Variants in SSR3 observed in about 807,000 individuals in gnomAD.
SSR3 encodes the protein translocon-associated protein subunit gamma.
SSR3 carries 10 observed loss-of-function variants against 22.1 expected under a neutral mutation model. The ratio of observed to expected loss-of-function variants is 0.45; its 90% CI spans 0.28 to 0.77. SSR3 has a LOEUF of 0.77. SSR3 is among the 30% of genes least tolerant of loss of function. SSR3 has a pLI of 0.13. For missense variants in SSR3, 181 were observed against 220.5 expected, an observed-to-expected ratio of 0.82 and a Z score of 1.13; for synonymous variants, 104 against 82.5, an observed-to-expected ratio of 1.26 and a Z score of -1.42.
Position 156,548,983 on chromosome 3 carries a change from T to A in SSR3, c.281A>T (p.Asp94Val). The change falls in exon 3 of 5, where the codon GAT becomes GTT. Residue 94 changes from aspartate (D) to valine (V), a missense_variant. Coordinates refer to ENST00000265044, the MANE Select transcript of SSR3 (RefSeq NM_007107.5). ...LKHKVAQKRE[D>V]AVSKEVTRKL... ...TCGAGTCACTTCTTTGGAAACAGCA[T>A]CCTCCCTCTTCTGTGCTACTCTGGA... is the stretch of plus-strand genomic sequence containing the variant. The A allele has an allele frequency of 6.2e-7, 1 of 1,612,722 alleles. No homozygotes were observed. The highest frequency in any genetic ancestry group is 8.5e-7 in the Non-Finnish European group (1 of 1,179,714).
Position 156,555,060 on chromosome 3 carries a change from C to T in SSR3, c.30G>A (p.Gln10=). The change falls in exon 1 of 5, where the codon CAG becomes CAA. Residue 10 remains glutamine, a synonymous_variant. Transcript: ENST00000265044. MAPKGSSKQ[Q]SEEDLLLQDF... is the part of the protein sequence containing the mutation. ...CCTGCAGGAGCAGGTCCTCCTCAGA[C>T]TGCTGTTTGGAGCTGCCTTTAGGAG... is the stretch of plus-strand genomic sequence containing the variant. The T allele has an allele frequency of 6.2e-7, 1 of 1,613,968 alleles. No homozygotes were observed. The highest frequency in any genetic ancestry group is 8.5e-7 in the Non-Finnish European group (1 of 1,179,954).
chr3:156,543,917 A>G (rs1374685343), intron 4 of SSR3: 1 of 204,814 alleles, frequency 4.9e-6, no homozygotes, highest in Non-Finnish European at 9.7e-6. Context: ...ATTAAGATAC[A>G]CTGGAATGAA....
chr3:156,548,308 G>A (rs937836587), intron 3 of SSR3, among the ~76,000 whole-genome samples: 1 of 152,208 alleles, frequency 6.6e-6, no homozygotes. Context: ...TGGGCAACAG[G>A]AGAAAAACCC....
chr3:156,547,519 C>A (rs1176578007), intron 3 of SSR3, among the ~76,000 whole-genome samples: 1 of 152,164 alleles, frequency 6.6e-6, no homozygotes, highest in Admixed American at 6.5e-5. Flanking sequence ...AAAACAGTTA[C>A]CTAGATTTTC....
chr3:156,544,244 C>A, intron 4 of SSR3, 64 bp downstream of exon 4: 2 of 1,423,802 alleles, frequency 1.4e-6, no homozygotes, highest in South Asian at 3.6e-5. Context: ...CCAGACAAGT[C>A]AAAACCAAAA....
chr3:156,554,623 G>C, intron 1 of SSR3: 1 of 268,036 alleles, frequency 3.7e-6, no homozygotes. Context: ...CAGTTGTATA[G>C]AAAAGGGCAG....
chr3:156,543,314 G>C, intron 4 of SSR3, 45 bp from the exon 5 acceptor site: 1 of 1,520,902 alleles, frequency 6.6e-7, no homozygotes, highest in East Asian at 2.3e-5. Context: ...ACTCCAAATT[G>C]GTTTTTTGAG....
chr3:156,550,294 G>C (rs940404337), intron 2 of SSR3, among the ~76,000 whole-genome samples: 5 of 152,122 alleles, frequency 3.3e-5, no homozygotes, highest in Non-Finnish European at 7.3e-5. Flanking sequence ...TTAGCACACA[G>C]GAATAAACTA....
chr3:156,543,312 T>C, intron 4 of SSR3, 43 bp from the exon 5 acceptor site: 1 of 1,544,550 alleles, frequency 6.5e-7, no homozygotes, highest in Non-Finnish European at 8.9e-7. Context: ...TAACTCCAAA[T>C]TGGTTTTTTG....
At chr3:156,547,818 G>A (rs1719814817) in intron 3 of SSR3, among the ~76,000 whole-genome samples, 1 of 152,180 alleles carries the variant, frequency 6.6e-6, no homozygotes, top group Admixed American at 6.5e-5. Context: ...CTTGCATGCT[G>A]CTTCTCGTCA....
chr3:156,554,679 G>A, intron 1 of SSR3: 1 of 427,956 alleles, frequency 2.3e-6, no homozygotes, highest in Non-Finnish European at 4.2e-6. Flanking sequence ...ATTCGGGGCC[G>A]CCACCCCAGA....
At chr3:156,551,358 G>A (rs1332507317) in intron 2 of SSR3, 1 of 152,094 alleles carries the variant, frequency 6.6e-6, no homozygotes. Flanking sequence ...GAGTCTCAAA[G>A]GGACTGAGTT....
rs1719465021 is a variant in SSR3, at chr3:156,541,054, A to T, written c.*2149T>A. ...CAAGATTAAAAACAGTGCTGTAGGA[A>T]AAATTCACAACAGTAAACAAATTTT... On this transcript the variant is annotated 3_prime_UTR_variant, in exon 5 of 5. Coordinates refer to ENST00000265044, the MANE Select transcript of SSR3 (RefSeq NM_007107.5). 6.6e-6 allele frequency: 1 copy of T among 152,254 alleles called. No individual in the cohort carries two copies. Among genetic ancestry groups the T allele is most frequent in the East Asian group, 1.9e-4 (1 of 5,208 alleles). 9.4% of individuals were successfully genotyped at this position (152,254 alleles called of 1,614,324 possible). A position where few individuals can be genotyped will look rare whatever the true frequency, so the allele number is the denominator to read the frequency against.
intron 2 of SSR3, among the ~76,000 whole-genome samples, chr3:156,550,701 C>T (rs540744811): frequency 1.3e-5 from 2 of 152,310 alleles, no homozygotes; most frequent in East Asian, 3.9e-4. Context: ...AAGACACTAC[C>T]TGATTTCTTA....
In SSR3 at chr3:156,542,990, C is replaced by T. The variant is rs1457158643; in HGVS notation, c.*213G>A. 1.7e-5 allele frequency: 8 copies of T among 479,280 alleles called. No homozygotes were observed. Among genetic ancestry groups the T allele is most frequent in the Admixed American group, 3.4e-5 (1 of 29,364 alleles). The allele number at this position is 479,280 out of a possible 1,614,324, so 29.7% of individuals were successfully genotyped here. A position where few individuals can be genotyped will look rare whatever the true frequency, so the allele number is the denominator to read the frequency against. On this transcript the variant is annotated 3_prime_UTR_variant, in exon 5 of 5. Transcript: ENST00000265044. ...ACATTTTTTTCCTTTTAATAAACGTCCTAGTACTCTGAGTTTCCCTTTCAA... is the reference window on the plus strand; with the variant it reads ...ACATTTTTTTCCTTTTAATAAACGTTCTAGTACTCTGAGTTTCCCTTTCAA...
Position 156,544,297 on chromosome 3 carries a change from GA to G in SSR3, c.491+10del, listed in dbSNP as rs1445418901. ...ACTTCTAAAAAAGATAATCAACCTT[GA>G]AAAGGATACACTGTGGGGTTGAAGT... On this transcript the variant is annotated intron_variant, in intron 4 of 4. Transcript: ENST00000265044. 2.0e-6 allele frequency: 3 copies of G among 1,528,738 alleles called. No homozygotes were observed. The highest frequency in any genetic ancestry group is 4.2e-5 in the Admixed American group (2 of 47,298). The allele number at this position is 1,528,738 out of a possible 1,614,324, so 94.7% of individuals were successfully genotyped here.
chr3:156,548,964 C>T lies in SSR3; in HGVS notation c.300G>A (p.Val100=), dbSNP rs1559944831. Residue 100 remains valine, a synonymous_variant, in exon 3 of 5, where the codon GTG becomes GTA. Transcript: ENST00000265044. ...TATCAGCTTCAGAAAGTTTTCGAGT[C>T]ACTTCTTTGGAAACAGCATCCTCCC... ...QKREDAVSKE[V]TRKLSEADNR... 2.5e-6 allele frequency: 4 copies of T among 1,613,368 alleles called. No individual in the cohort carries two copies. The highest frequency in any genetic ancestry group is 3.4e-6 in the Non-Finnish European group (4 of 1,179,870).
intron 4 of SSR3, among the ~76,000 whole-genome samples, chr3:156,543,572 T>C (rs1047297015): frequency 7.2e-5 from 11 of 152,188 alleles, no homozygotes; most frequent in African/African-American, 1.2e-4. Context: ...TCAAAGAACA[T>C]GGAGAGAAAA....
At chr3:156,543,826 C>G (rs2108445536) in intron 4 of SSR3, 1 of 158,622 alleles carries the variant, frequency 6.3e-6, no homozygotes, top group East Asian at 1.9e-4. Flanking sequence ...GCTGCACATT[C>G]CTGGATAACA....
Sources: gnomAD v4.1 joint callset for allele counts (sites outside exome capture counted in the v4.1 genomes callset) on GRCh38, gnomAD v4.1.1 for gene constraint, MANE v1.5 for transcripts, NCBI Gene and HGNC (gene_info 2026-07-23, HGNC 2026-07-21) for gene names.